The following PDXDC1 variants were observed in gnomAD, a reference collection of about 807,000 sequenced individuals.
The protein encoded by PDXDC1 is pyridoxal dependent decarboxylase domain containing 1.
A neutral mutation model predicts 100.1 loss-of-function variants in PDXDC1; 42 were observed. That is an observed-to-expected ratio of 0.42 (90% confidence interval 0.33 to 0.54). The LOEUF (loss-of-function observed/expected upper bound fraction) is 0.54, where lower values mean the gene tolerates loss of function less well. Among genes scored for constraint, PDXDC1 ranks in the 20% least tolerant of loss-of-function variants. PDXDC1 has a pLI of 0.10. For synonymous variants in PDXDC1, 260 were observed against 371.7 expected, an observed-to-expected ratio of 0.70 and a Z score of 3.46; for missense variants, 636 against 979.2, an observed-to-expected ratio of 0.65 and a Z score of 4.68.
downstream of PDXDC1, among the ~76,000 whole-genome samples, chr16:15,141,872 T>C (rs146560929): frequency 5.1e-4 from 77 of 152,260 alleles, 1 homozygote; most frequent in East Asian, 0.014. Context: ...CACTGTGCTG[T>C]AAGGAACTGC....
At chr16:15,055,317 G>C (rs974086981) in intron 16 of PDXDC1, among the ~76,000 whole-genome samples, 2 of 152,202 alleles carry the variant, frequency 1.3e-5, no homozygotes, top group African/African-American at 4.8e-5. Flanking sequence ...TGGTCCTATG[G>C]CCCAGCTGCG....
chr16:15,064,907 C>T (rs988847527), intron 16 of PDXDC1, among the ~76,000 whole-genome samples: 9 of 152,224 alleles, frequency 5.9e-5, no homozygotes, highest in African/African-American at 2.2e-4. Context: ...TGGCTCACGC[C>T]TGTAATCCCA....
chr16:15,120,893 G>A (rs1210632743), intron 16 of PDXDC1, among the ~76,000 whole-genome samples: 1 of 10,444 alleles, frequency 9.6e-5, no homozygotes, highest in East Asian at 2.6e-3. Flanking sequence ...AACCTGGGAG[G>A]TAGAGGTTGC....
At chr16:15,033,465 G>A (rs949435447) in intron 19 of PDXDC1, 66 bp downstream of exon 19, 15 of 1,550,276 alleles carry the variant, frequency 9.7e-6, no homozygotes, top group African/African-American at 6.8e-5. Context: ...CAGGGGCCAC[G>A]AGGAAAGCAG....
At chr16:15,149,519 T>A in the PDXDC1 span, among the ~76,000 whole-genome samples, 1 of 152,178 alleles carries the variant, frequency 6.6e-6, no homozygotes, top group Non-Finnish European at 1.5e-5. Context: ...GCATCAGGCC[T>A]AGGGGTCGCT....
In PDXDC1 at chr16:15,132,958, C is replaced by T. The variant is rs2048180598; in HGVS notation, c.1400-5921C>T. On this transcript the variant is annotated intron_variant, in intron 16 of 16. Coordinates refer to the PDXDC1 transcript ENST00000535621. ...GCAGATGCCCACGACTCCCGGGGTG[C>T]AGTTACGTGCTAGATGCTGTGTGAT... 5 of 1,565,490 alleles carry T rather than the reference C, an allele frequency of 3.2e-6. No individual in the cohort carries two copies. In the South Asian group the frequency reaches 4.5e-5, roughly 14 times the overall value.
intron 16 of PDXDC1, among the ~76,000 whole-genome samples, chr16:15,078,660 T>C (rs1171012827): frequency 6.6e-6 from 1 of 152,072 alleles, no homozygotes; most frequent in Non-Finnish European, 1.5e-5. Flanking sequence ...TCTCCTCCCC[T>C]GTCCTAAACT....
chr16:15,098,232 ACT>A (rs2046426231), intron 16 of PDXDC1, among the ~76,000 whole-genome samples: 1 of 130,368 alleles, frequency 7.7e-6, no homozygotes, highest in Non-Finnish European at 1.6e-5. Flanking sequence ...ACAGAGTCTC[ACT>A]CTGTTGCCCA....
At chr16:15,003,846 T>G (rs1973701148) in intron 4 of PDXDC1, among the ~76,000 whole-genome samples, 1 of 152,220 alleles carries the variant, frequency 6.6e-6, no homozygotes, top group South Asian at 2.1e-4. Context: ...TAGCCGGGCT[T>G]GGTGGTGCGC....
At chr16:15,060,441 C>A (rs1391972783) in intron 16 of PDXDC1, 2 of 156,540 alleles carry the variant, frequency 1.3e-5, no homozygotes, top group Non-Finnish European at 2.8e-5. Context: ...CAAGTGCATA[C>A]AAAGCCCTGG....
the PDXDC1 span, among the ~76,000 whole-genome samples, chr16:15,147,165 G>C: frequency 7.2e-6 from 1 of 139,100 alleles, no homozygotes; most frequent in Non-Finnish European, 1.5e-5. Context: ...GGCAGGGAGG[G>C]AGAGGTGGGA....
intron 16 of PDXDC1, among the ~76,000 whole-genome samples, chr16:15,079,094 G>C (rs2045588157): frequency 6.6e-6 from 1 of 152,118 alleles, no homozygotes; most frequent in African/African-American, 2.4e-5. Context: ...ACATGCGTGA[G>C]CCACCACGCC....
Position 15,137,653 on chromosome 16 carries a change from C to A in PDXDC1, c.1400-1226C>A, listed in dbSNP as rs557015161. 67 of 1,307,354 alleles carry A rather than the reference C, an allele frequency of 5.1e-5. No individual in the cohort carries two copies. In the East Asian group the frequency reaches 6.0e-4, roughly 12 times the overall value. 81.0% of individuals were successfully genotyped at this position (1,307,354 alleles called of 1,614,324 possible). On this transcript the variant is annotated intron_variant, in intron 16 of 16. Transcript: ENST00000535621. The stretch of plus-strand genomic sequence containing the variant: ...CCATGCTGTTCCCTTGGCCCGGAGC[C>A]CCCCCCCAGAGAGGCCTTCCTGAGC...
intron 16 of PDXDC1, chr16:15,083,671 T>G (rs1415404479): frequency 4.5e-5 from 71 of 1,564,092 alleles, no homozygotes; most frequent in Admixed American, 5.7e-5. Context: ...AAGCAAATAT[T>G]GATAGACATA....
intron 16 of PDXDC1, among the ~76,000 whole-genome samples, chr16:15,073,301 A>C (rs1231726156): frequency 6.6e-6 from 1 of 152,190 alleles, no homozygotes; most frequent in East Asian, 1.9e-4. Context: ...TCTACAAAAA[A>C]TCAAAAAATT....
intron 16 of PDXDC1, among the ~76,000 whole-genome samples, chr16:15,067,520 A>G (rs1484211749): frequency 1.4e-5 from 2 of 139,250 alleles, no homozygotes; most frequent in African/African-American, 5.1e-5. Flanking sequence ...CAGACCTGAG[A>G]GAACAGAACT....
At chr16:15,070,366 T>G (rs947288528) in intron 16 of PDXDC1, 1 of 718,592 alleles carries the variant, frequency 1.4e-6, no homozygotes, top group Non-Finnish European at 2.3e-6. Flanking sequence ...TTCATAGGTT[T>G]CTTTAAATAA....
chr16:15,146,575 C>A, the PDXDC1 span, among the ~76,000 whole-genome samples: 1 of 152,124 alleles, frequency 6.6e-6, no homozygotes, highest in African/African-American at 2.4e-5. Flanking sequence ...TGAGCCCCTA[C>A]AGCCACGCGG....
chr16:15,042,712 G>A (rs1039419989), downstream of PDXDC1, among the ~76,000 whole-genome samples: 2 of 109,734 alleles, frequency 1.8e-5, no homozygotes, highest in Non-Finnish European at 4.2e-5. Flanking sequence ...TGGGTCAAAG[G>A]ATGAACTATT....
Sources: gnomAD v4.1 joint callset for allele counts (sites outside exome capture counted in the v4.1 genomes callset) on GRCh38, gnomAD v4.1.1 for gene constraint, MANE v1.5 for transcripts, NCBI Gene and HGNC (gene_info 2026-07-23, HGNC 2026-07-21) for gene names.